The following RELN variants were observed in gnomAD, a reference collection of about 807,000 sequenced individuals.
The protein encoded by RELN is reelin.
RELN carries 108 observed loss-of-function variants against 427.6 expected under a neutral mutation model. That is an observed-to-expected ratio of 0.25 (90% CI 0.22 to 0.30). RELN has a LOEUF of 0.30. Ranked by LOEUF, RELN falls within the 10% of genes least tolerant of loss-of-function variation. RELN has a pLI of 1.00. For missense variants in RELN, 3,715 were observed against 4,302.8 expected, an observed-to-expected ratio of 0.86 and a Z score of 3.82; for synonymous variants, 1,524 against 1,513.4, an observed-to-expected ratio of 1.01 and a Z score of -0.16.
At chr7:103,883,882 T>C (rs1359426612) in intron 2 of RELN, among the ~76,000 whole-genome samples, 1 of 152,186 alleles carries the variant, frequency 6.6e-6, no homozygotes, top group Non-Finnish European at 1.5e-5. Context: ...GATGCAACAC[T>C]ATTCCTGTCA....
chr7:103,717,020 G>C (rs542916077), intron 8 of RELN, among the ~76,000 whole-genome samples: 6 of 152,216 alleles, frequency 3.9e-5, no homozygotes, highest in Admixed American at 3.9e-4. Flanking sequence ...ATGAATTACT[G>C]ACATTTTTCT....
At chr7:103,900,207 G>A (rs989266427) in intron 2 of RELN, among the ~76,000 whole-genome samples, 1 of 152,092 alleles carries the variant, frequency 6.6e-6, no homozygotes, top group African/African-American at 2.4e-5. Flanking sequence ...TTGCTACTAA[G>A]AGAATAAAAC....
At chr7:103,947,527 G>T (rs552749580) in intron 1 of RELN, among the ~76,000 whole-genome samples, 2 of 152,166 alleles carry the variant, frequency 1.3e-5, no homozygotes, top group Non-Finnish European at 2.9e-5. Flanking sequence ...AAGGAAAAAG[G>T]CCTGGAATAG....
intron 6 of RELN, among the ~76,000 whole-genome samples, chr7:103,744,750 C>A (rs987825196): frequency 1.1e-4 from 16 of 152,194 alleles, no homozygotes; most frequent in Admixed American, 2.6e-4. Flanking sequence ...CAATAACAGG[C>A]TCTGAAATTG....
chr7:103,574,129 C>T lies in RELN; in HGVS notation c.4474G>A (p.Glu1492Lys). The change falls in exon 30 of 65, where the codon GAA becomes AAA. Residue 1492 changes from glutamate to lysine, a missense_variant. Physicochemically the swap from Glu to Lys is moderately conservative, Grantham distance 56. Around this residue, in one of 4 missense-constraint regions of RELN, gnomAD observed 2,208 missense variants for 2,361.7 expected, o/e 0.93. Transcript: ENST00000428762. ...GTGTCCAGAGGGACCGTCCGGGCTT[C>T]CCTTTTCCCAGGGCCATTGAAGTAG... Reference protein sequence around the residue: ...SLYFNGPGKREARTVPLDTRN... With the variant: ...SLYFNGPGKRKARTVPLDTRN... The T allele has an allele frequency of 6.2e-7, 1 of 1,614,160 alleles. No homozygotes were observed. The highest frequency in any genetic ancestry group is 1.3e-5 in the African/African-American group (1 of 75,050).
chr7:103,676,782 C>T (rs570249562), intron 11 of RELN, among the ~76,000 whole-genome samples: 2 of 151,188 alleles, frequency 1.3e-5, no homozygotes, highest in African/African-American at 4.9e-5. Flanking sequence ...AGCAAAATAT[C>T]GCAAGGACAG....
chr7:103,555,409 A>G (rs1487477678), intron 38 of RELN, among the ~76,000 whole-genome samples: 1 of 152,208 alleles, frequency 6.6e-6, no homozygotes, highest in Non-Finnish European at 1.5e-5. Flanking sequence ...TAATTCTAGT[A>G]GCATTCTTTC....
chr7:103,568,996 G>A lies in RELN; in HGVS notation c.4589-2237C>T, dbSNP rs1051840156. Among the ~76,000 whole-genome samples, 61 of 152,218 alleles carry A rather than the reference G, an allele frequency of 4.0e-4. 1 individual carries two copies. Among genetic ancestry groups the A allele is most frequent in the African/African-American group, 1.4e-3 (60 of 41,460 alleles). ...TCTTTGACACTCTTCCGTTCAAAAA[G>A]TGGAGCTTAATTCTTCCCCCTTTGA... On this transcript the variant is annotated intron_variant, in intron 31 of 64. Coordinates refer to ENST00000428762, the MANE Select transcript of RELN (RefSeq NM_005045.4).
Position 103,824,772 on chromosome 7 carries a change from CAT to C in RELN, c.473+8763_473+8764del, listed in dbSNP as rs1195893310. Among the ~76,000 whole-genome samples, 1 of 151,554 alleles carries C rather than the reference CAT, an allele frequency of 6.6e-6. No individual in the cohort carries two copies. ...CATGATGCCAGAAATCCTCTACAAA[CAT>C]ATTTTTATGTGTCTGAAATTGTACC... On this transcript the variant is annotated intron_variant, in intron 3 of 64. Coordinates refer to ENST00000428762, the MANE Select transcript of RELN (RefSeq NM_005045.4). The surrounding 1 kb of genome is among the most constrained non-coding windows in gnomAD (Gnocchi z 4.4).
At chr7:103,860,549 T>TA (rs1314631911) in intron 2 of RELN, among the ~76,000 whole-genome samples, 1 of 152,042 alleles carries the variant, frequency 6.6e-6, no homozygotes, top group African/African-American at 2.4e-5. Flanking sequence ...ACTTGGATTT[T>TA]AAAAAAATCC....
chr7:103,565,198 C>A (rs939938317), intron 34 of RELN, 80 bp downstream of exon 34: 21 of 1,507,244 alleles, frequency 1.4e-5, no homozygotes, highest in Non-Finnish European at 1.8e-5. Flanking sequence ...TAATAGAATC[C>A]CCAGGCCGAA....
intron 4 of RELN, among the ~76,000 whole-genome samples, chr7:103,768,120 C>T (rs878458): frequency 0.21 from 32,246 of 152,044 alleles, 3,522 homozygotes; most frequent in East Asian, 0.31. Context: ...GCCTGGCACA[C>T]GGTAAGCATT....
At chr7:103,751,355 T>C (rs891587363) in intron 5 of RELN, among the ~76,000 whole-genome samples, 1 of 152,224 alleles carries the variant, frequency 6.6e-6, no homozygotes, top group Admixed American at 6.5e-5. Flanking sequence ...TAATTTCACA[T>C]TCTCTTTGGT....
At chr7:103,873,118 T>A (rs36181811) in intron 2 of RELN, among the ~76,000 whole-genome samples, 1 of 150,522 alleles carries the variant, frequency 6.6e-6, no homozygotes, top group African/African-American at 2.4e-5. Flanking sequence ...GGGTACATAA[T>A]GAAATGAAGG....
chr7:103,501,630 G>C (rs1829032788), intron 52 of RELN, among the ~76,000 whole-genome samples: 1 of 152,158 alleles, frequency 6.6e-6, no homozygotes, highest in Non-Finnish European at 1.5e-5. Context: ...CTTGTTTTAT[G>C]TGGTGGTTAC....
In RELN at chr7:103,824,627, A is replaced by AGTGTGTGTGTGTGTGTGTGTGTGT. The variant is rs368098458; in HGVS notation, c.473+8886_473+8909dup. ...GTGTTTTCACTTTCTTTCAAAACAGAGTGTGTGTGTGTGTGTGTGTGTGTG... is the reference window on the plus strand; with the variant it reads ...GTGTTTTCACTTTCTTTCAAAACAGAGTGTGTGTGTGTGTGTGTGTGTGTGTGTGTGTGTGTGTGTGTGTGTGTG... On this transcript the variant is annotated intron_variant, in intron 3 of 64. Transcript: ENST00000428762. This position sits in a 1 kb window ranked among gnomAD's most constrained non-coding sequence, Gnocchi z 4.4. Among the ~76,000 whole-genome samples, 9 of 130,968 alleles carry AGTGTGTGTGTGTGTGTGTGTGTGT rather than the reference A, an allele frequency of 6.9e-5. No individual in the cohort carries two copies. Among genetic ancestry groups the AGTGTGTGTGTGTGTGTGTGTGTGT allele is most frequent in the South Asian group, 5.5e-4 (2 of 3,664 alleles). 85.9% of individuals were successfully genotyped at this position (130,968 alleles called of 152,430 possible).
chr7:103,793,372 T>C lies in RELN; in HGVS notation c.474-16745A>G, dbSNP rs143644236. Among the ~76,000 whole-genome samples, 157 of 152,300 alleles carry C rather than the reference T, an allele frequency of 1.0e-3. 1 individual carries two copies. The highest frequency in any genetic ancestry group is 2.7e-3 in the African/African-American group (114 of 41,580). On this transcript the variant is annotated intron_variant, in intron 3 of 64. Coordinates refer to ENST00000428762, the MANE Select transcript of RELN (RefSeq NM_005045.4). Reference sequence around the variant, plus strand: ...TACCATGTTTTGATAAATTAAAGAATTGAAGTAACCAAAATGAATGCTGAG... The same window carrying C: ...TACCATGTTTTGATAAATTAAAGAACTGAAGTAACCAAAATGAATGCTGAG...
intron 3 of RELN, among the ~76,000 whole-genome samples, chr7:103,777,368 A>G (rs1791770458): frequency 6.6e-6 from 1 of 152,214 alleles, no homozygotes; most frequent in African/African-American, 2.4e-5. Flanking sequence ...ATTTAAACAA[A>G]TTTAAAACAG....
intron 2 of RELN, among the ~76,000 whole-genome samples, chr7:103,914,498 T>C (rs1277205366): frequency 2.0e-5 from 3 of 152,154 alleles, no homozygotes; most frequent in Non-Finnish European, 2.9e-5. Context: ...ATATAAGCCC[T>C]GGACTAAGGA....
Sources: allele counts gnomAD v4.1 joint callset (sites outside exome capture counted in the v4.1 genomes callset), GRCh38; gene constraint gnomAD v4.1.1; regional missense constraint gnomAD v4.1.1; non-coding constraint Gnocchi (gnomAD v3.1); transcripts MANE v1.5; gene names NCBI Gene and HGNC (gene_info 2026-07-23, HGNC 2026-07-21).